TXNL4A: variants seen among roughly 807,000 people sequenced by gnomAD.
The protein encoded by TXNL4A is thioredoxin like 4A, also known as thioredoxin-like protein 4A.
In TXNL4A, 17 loss-of-function variants were observed where a neutral mutation model predicts 14.6. That is an observed-to-expected ratio of 1.16 (90% CI 0.80 to 1.74). The LOEUF is 1.74. TXNL4A is among the 40% of genes most tolerant of loss of function. The pLI is 0.00. For synonymous variants in TXNL4A, 83 were observed against 70.6 expected (o/e 1.18, Z -0.88); for missense variants, 74 against 195.2 (o/e 0.38, Z 3.70).
At chr18:80,010,958 CT>C (rs914737136) in intron 1 of TXNL4A, among the ~76,000 whole-genome samples, 82 of 145,832 alleles carry the variant, frequency 5.6e-4, no homozygotes, top group Middle Eastern at 3.5e-3. Flanking sequence ...TTGGGCATTG[CT>C]TTTTTTTTTT....
rs971860909 is a variant in TXNL4A, at chr18:79,973,524, C to T, written c.*161G>A. The T allele has an allele frequency of 6.5e-5, 53 of 819,654 alleles. No individual in the cohort carries two copies. In the African/African-American group the frequency reaches 7.9e-4, roughly 12 times the overall value. The allele number at this position is 819,654 out of a possible 1,614,324, so 50.8% of individuals were successfully genotyped here. ...ACAAGTAGGCCTGCTCCTCTCACCACGTGCTTGTTTATTTCGGTGAGTTAA... is the reference window on the plus strand; with the variant it reads ...ACAAGTAGGCCTGCTCCTCTCACCATGTGCTTGTTTATTTCGGTGAGTTAA... On this transcript the variant is annotated 3_prime_UTR_variant, in exon 3 of 3. Transcript: ENST00000269601.
At chr18:80,012,412 G>C (rs2051776090) in intron 1 of TXNL4A, among the ~76,000 whole-genome samples, 1 of 152,142 alleles carries the variant, frequency 6.6e-6, no homozygotes. Flanking sequence ...GTGTTAGAAG[G>C]GTTTAAAAAT....
upstream of TXNL4A, among the ~76,000 whole-genome samples, chr18:79,991,255 T>C (rs2051627044): frequency 6.6e-6 from 1 of 152,052 alleles, no homozygotes. Flanking sequence ...AAAGAAAACC[T>C]ATACCCATTA....
intron 1 of TXNL4A, among the ~76,000 whole-genome samples, chr18:80,017,612 T>G (rs1439424452): frequency 4.6e-5 from 7 of 152,188 alleles, no homozygotes; most frequent in Non-Finnish European, 8.8e-5. Flanking sequence ...CTGCATGTAT[T>G]GAGATAATCA....
chr18:80,013,432 TTTA>T (rs1160778428), intron 1 of TXNL4A, among the ~76,000 whole-genome samples: 2 of 141,746 alleles, frequency 1.4e-5, no homozygotes, highest in South Asian at 2.2e-4. Flanking sequence ...CATTAAATAT[TTTA>T]TTATTATTAT....
chr18:79,976,474 C>G lies in TXNL4A; in HGVS notation c.257+1124G>C, dbSNP rs555779838. Reference sequence around the variant, plus strand: ...GAAGCAGATCTCAGACCCACCACCACGAAGAGCCAGACTCGGCCCACAACC... The same window carrying G: ...GAAGCAGATCTCAGACCCACCACCAGGAAGAGCCAGACTCGGCCCACAACC... On this transcript the variant is annotated intron_variant, in intron 2 of 2. Transcript: ENST00000269601. 9.2e-5 allele frequency among the ~76,000 whole-genome samples: 14 copies of G among 152,218 alleles called. No individual in the cohort carries two copies. The East Asian group carries it at 2.7e-3, about 29-fold the overall frequency.
chr18:80,022,433 A>G (rs1332952878), intron 1 of TXNL4A, among the ~76,000 whole-genome samples: 1 of 152,250 alleles, frequency 6.6e-6, no homozygotes, highest in Admixed American at 6.5e-5. Context: ...GAAAACCTGT[A>G]CACTGGGAAC....
intron 1 of TXNL4A, chr18:80,033,830 C>A (rs1172319697): frequency 6.8e-6 from 1 of 146,298 alleles, no homozygotes; most frequent in African/African-American, 2.5e-5. Flanking sequence ...TTGCCGCCCC[C>A]CCCGCCCGCA....
At chr18:80,009,792 C>T (rs1043480047) in intron 1 of TXNL4A, among the ~76,000 whole-genome samples, 5 of 152,172 alleles carry the variant, frequency 3.3e-5, no homozygotes, top group Non-Finnish European at 5.9e-5. Context: ...AGCTGGCTGT[C>T]CACTTGCATG....
At chr18:79,994,476 C>A (rs1460959145) in intron 1 of TXNL4A, among the ~76,000 whole-genome samples, 1 of 151,486 alleles carries the variant, frequency 6.6e-6, no homozygotes, top group Non-Finnish European at 1.5e-5. Flanking sequence ...TATAGGAGGC[C>A]AACAAACAAC....
intron 1 of TXNL4A, among the ~76,000 whole-genome samples, chr18:80,025,858 C>T (rs1008945659): frequency 1.3e-5 from 2 of 152,298 alleles, no homozygotes; most frequent in Admixed American, 1.3e-4. Context: ...CCACAACAAC[C>T]AGCACCCCCC....
chr18:79,975,780 A>C (rs1359822326), intron 2 of TXNL4A, among the ~76,000 whole-genome samples: 1 of 152,140 alleles, frequency 6.6e-6, no homozygotes, highest in African/African-American at 2.4e-5. Context: ...AGAGCTCAAA[A>C]GCAACACACT....
At chr18:79,985,188 C>G in intron 1 of TXNL4A, among the ~76,000 whole-genome samples, 1 of 152,066 alleles carries the variant, frequency 6.6e-6, no homozygotes, top group Non-Finnish European at 1.5e-5. Context: ...AGTGTTCCTA[C>G]AAAATGGAAA....
At chr18:79,984,340 T>A (rs1185412552) in intron 1 of TXNL4A, among the ~76,000 whole-genome samples, 1 of 152,182 alleles carries the variant, frequency 6.6e-6, no homozygotes, top group Non-Finnish European at 1.5e-5. Context: ...ACACTTGTAA[T>A]CCCAGAATTT....
chr18:80,006,458 C>T (rs922750889), intron 1 of TXNL4A, among the ~76,000 whole-genome samples: 3 of 152,078 alleles, frequency 2.0e-5, no homozygotes, highest in South Asian at 2.1e-4. Context: ...GAGGATTGAG[C>T]GCCCAGTGGT....
rs575754314 is a variant in TXNL4A at position 80,029,970 on chromosome 18, G to A, written c.-61+3881C>T. On this transcript the variant is annotated intron_variant, in intron 1 of 2. Coordinates refer to the TXNL4A transcript ENST00000585474. ...TGCAACCCAGAGATTTTGTCTATTG[G>A]AAAAGACATCTAATAAAGAATTCCC... Among the ~76,000 whole-genome samples the A allele has an allele frequency of 1.1e-3, 169 of 152,264 alleles. 7 individuals carry two copies. In the South Asian group the frequency reaches 0.031, roughly 28 times the overall value.
In TXNL4A at chr18:79,982,725, G is replaced by C. The variant is rs1317534817; in HGVS notation, c.154-5024C>G. On this transcript the variant is annotated intron_variant, in intron 1 of 2. Transcript: ENST00000269601. This position sits in a 1 kb window ranked among gnomAD's most constrained non-coding sequence, Gnocchi z 4.0. ...TTCAAAAGCCGTGGCTATGGAGAGA[G>C]AGGGAAGTTACTGTGGGACTTGGGA... 6.6e-6 allele frequency among the ~76,000 whole-genome samples: 1 copy of C among 152,206 alleles called. No individual in the cohort carries two copies. Among genetic ancestry groups the C allele is most frequent in the Non-Finnish European group, 1.5e-5 (1 of 68,042 alleles).
intron 1 of TXNL4A, among the ~76,000 whole-genome samples, chr18:79,980,881 T>C (rs1008475806): frequency 3.3e-5 from 5 of 152,234 alleles, no homozygotes; most frequent in Non-Finnish European, 5.9e-5. Flanking sequence ...CCCAAAGTGA[T>C]GTTTGCATTA....
Position 79,971,156 on chromosome 18 carries a change from T to C in TXNL4A, c.*2529A>G, listed in dbSNP as rs1284870510. The C allele has an allele frequency of 6.6e-6, 1 of 152,462 alleles. No homozygotes were observed. Among genetic ancestry groups the C allele is most frequent in the Non-Finnish European group, 1.5e-5 (1 of 68,218 alleles). The allele number at this position is 152,462 out of a possible 1,614,324, so 9.4% of individuals were successfully genotyped here. On this transcript the variant is annotated 3_prime_UTR_variant, in exon 3 of 3. Coordinates refer to ENST00000269601, the MANE Select transcript of TXNL4A (RefSeq NM_006701.5). The stretch of plus-strand genomic sequence containing the variant: ...TTTCACTTACAGTACTTCATTCTGT[T>C]TATGACTGAATAATATTCCGTTCTA...
Sources: allele counts gnomAD v4.1 joint callset (sites outside exome capture counted in the v4.1 genomes callset), GRCh38; gene constraint gnomAD v4.1.1; non-coding constraint Gnocchi (gnomAD v3.1); transcripts MANE v1.5; gene names NCBI Gene and HGNC (gene_info 2026-07-23, HGNC 2026-07-21).